The following ZBTB7C variants were observed in gnomAD, a reference collection of about 807,000 sequenced individuals.
ZBTB7C encodes zinc finger and BTB domain containing 7C, also known as zinc finger and BTB domain-containing protein 7C.
Under a neutral mutation model 25.7 loss-of-function variants are expected in ZBTB7C, and 8 were observed. The ratio of observed to expected loss-of-function variants is 0.31; its 90% CI spans 0.18 to 0.56. The LOEUF (loss-of-function observed/expected upper bound fraction) is 0.56. Ranked by LOEUF, ZBTB7C falls within the 20% of genes least tolerant of loss-of-function variation. The pLI is 0.91. For synonymous variants in ZBTB7C, 394 were observed against 369.0 expected (o/e 1.07, Z -0.78); for missense variants, 824 against 855.2 (o/e 0.96, Z 0.46).
At chr18:48,254,148 GC>G (rs956216198) in intron 2 of ZBTB7C, among the ~76,000 whole-genome samples, 8 of 152,296 alleles carry the variant, frequency 5.3e-5, no homozygotes, top group Admixed American at 5.2e-4. Flanking sequence ...ACGAAAAGCA[GC>G]CCCCAAACCA....
intron 3 of ZBTB7C, among the ~76,000 whole-genome samples, chr18:48,141,181 G>A (rs1182060729): frequency 1.4e-5 from 2 of 138,430 alleles, no homozygotes; most frequent in Non-Finnish European, 3.0e-5. Context: ...CCTGCTGTGG[G>A]ACTTGGCTTA....
chr18:48,390,819 C>A (rs145571917), intron 1 of ZBTB7C, among the ~76,000 whole-genome samples: 5 of 152,334 alleles, frequency 3.3e-5, no homozygotes, highest in East Asian at 3.9e-4. Context: ...GTCCCCGTGG[C>A]GGCTGGAGAG....
Position 48,229,100 on chromosome 18 carries a change from C to T in ZBTB7C, c.-78-43105G>A, listed in dbSNP as rs61162622. Among the ~76,000 whole-genome samples the T allele has an allele frequency of 5.0e-3, 767 of 152,166 alleles. 9 individuals are homozygous for T. Among genetic ancestry groups the T allele is most frequent in the African/African-American group, 0.017 (710 of 41,508 alleles). On this transcript the variant is annotated intron_variant, in intron 2 of 4. Coordinates refer to ENST00000590800, the MANE Select transcript of ZBTB7C (RefSeq NM_001318841.2). ...CCCAGTCAAAACAGCATGTTCGTCC[C>T]GCTCAAATCTCATCAAAATGCCAAG...
chr18:48,352,424 C>T (rs902239972), intron 1 of ZBTB7C, among the ~76,000 whole-genome samples: 1 of 152,234 alleles, frequency 6.6e-6, no homozygotes, highest in Admixed American at 6.5e-5. Flanking sequence ...TAAAATGCCA[C>T]CCAGGCCCCA....
At chr18:48,377,242 T>C (rs1481556721) in intron 1 of ZBTB7C, among the ~76,000 whole-genome samples, 1 of 152,168 alleles carries the variant, frequency 6.6e-6, no homozygotes, top group Non-Finnish European at 1.5e-5. Flanking sequence ...CCAGTCTGGG[T>C]ATTGGGTCAG....
intron 3 of ZBTB7C, among the ~76,000 whole-genome samples, chr18:48,055,809 C>T (rs141962549): frequency 1.3e-5 from 2 of 152,302 alleles, no homozygotes; most frequent in South Asian, 2.1e-4. Context: ...CGTCGTCTTG[C>T]TCTGCGATTT....
At chr18:48,338,913 G>GT (rs1437921811) in intron 1 of ZBTB7C, among the ~76,000 whole-genome samples, 15 of 123,460 alleles carry the variant, frequency 1.2e-4, no homozygotes, top group Admixed American at 9.6e-4. Context: ...TAGTTTGTTG[G>GT]GGGGGGGGGG....
At chr18:48,053,389 T>A (rs1398985398) in intron 3 of ZBTB7C, among the ~76,000 whole-genome samples, 2 of 152,158 alleles carry the variant, frequency 1.3e-5, no homozygotes, top group Admixed American at 1.3e-4. Flanking sequence ...AGTAAACAGG[T>A]GATGGAAGGA....
chr18:48,048,816 G>A lies in ZBTB7C; in HGVS notation c.-16-7693C>T, dbSNP rs533949701. Among the ~76,000 whole-genome samples, 7 of 152,230 alleles carry A rather than the reference G, an allele frequency of 4.6e-5. No homozygotes were observed. The South Asian group carries it at 1.0e-3, about 23-fold the overall frequency. ...CAGGGCTCTCCCCTGGCATCTGTTC[G>A]GAGCATCACCATCTTCTAAGGTTTT... On this transcript the variant is annotated intron_variant, in intron 3 of 4. Transcript: ENST00000590800.
At chr18:48,083,895 G>A (rs1273897822) in intron 3 of ZBTB7C, 1 of 985,210 alleles carries the variant, frequency 1.0e-6, no homozygotes, top group Non-Finnish European at 1.2e-6. Context: ...AGCTTCAGTG[G>A]ACCCATTTGG....
intron 2 of ZBTB7C, among the ~76,000 whole-genome samples, chr18:48,295,449 G>A (rs920660172): frequency 2.0e-5 from 3 of 152,190 alleles, no homozygotes; most frequent in African/African-American, 7.2e-5. Flanking sequence ...TGCGTCATGT[G>A]AGGAAGGCGG....
At chr18:48,167,454 G>A (rs2041289908) in intron 3 of ZBTB7C, among the ~76,000 whole-genome samples, 1 of 152,186 alleles carries the variant, frequency 6.6e-6, no homozygotes. Flanking sequence ...CACCCTGAAA[G>A]CCTGTGGCAC....
At chr18:48,110,028 T>G (rs1204617837) in intron 3 of ZBTB7C, among the ~76,000 whole-genome samples, 2 of 149,714 alleles carry the variant, frequency 1.3e-5, no homozygotes, top group Non-Finnish European at 3.0e-5. Context: ...CATAGGCAGA[T>G]AGGGAGTGGT....
At chr18:48,169,542 G>A (rs1955907698) in intron 3 of ZBTB7C, among the ~76,000 whole-genome samples, 1 of 152,180 alleles carries the variant, frequency 6.6e-6, no homozygotes, top group South Asian at 2.1e-4. Flanking sequence ...TATGGATGAG[G>A]GAGCCGAGGG....
intron 3 of ZBTB7C, among the ~76,000 whole-genome samples, chr18:48,095,468 T>C (rs1456556819): frequency 6.6e-6 from 1 of 152,086 alleles, no homozygotes; most frequent in Non-Finnish European, 1.5e-5. Context: ...TCCCAGCACT[T>C]TGGGAGGCCG....
At chr18:48,319,112 C>CTGTGTGTGTG (rs143825394) in intron 2 of ZBTB7C, among the ~76,000 whole-genome samples, 11,476 of 147,298 alleles carry the variant, frequency 0.078, 520 homozygotes, top group South Asian at 0.1. Context: ...CAGAATGCCT[C>CTGTGTGTGTG]TGTGTGTGTG....
intron 3 of ZBTB7C, among the ~76,000 whole-genome samples, chr18:48,098,440 G>A (rs2038716002): frequency 6.6e-6 from 1 of 152,188 alleles, no homozygotes; most frequent in Non-Finnish European, 1.5e-5. Context: ...GAGCTAGGAT[G>A]CTTGTTCTTC....
At chr18:48,167,681 A>G (rs1245443494) in intron 3 of ZBTB7C, among the ~76,000 whole-genome samples, 1 of 152,164 alleles carries the variant, frequency 6.6e-6, no homozygotes, top group Non-Finnish European at 1.5e-5. Flanking sequence ...CCCTTGCCAG[A>G]AACAATGAAT....
intron 1 of ZBTB7C, among the ~76,000 whole-genome samples, chr18:48,364,621 C>A (rs139633764): frequency 1.3e-5 from 2 of 152,104 alleles, no homozygotes; most frequent in Non-Finnish European, 2.9e-5. Context: ...GGGGCTTTTG[C>A]ATTTTAATTT....
Sources: gnomAD v4.1 joint callset for allele counts (sites outside exome capture counted in the v4.1 genomes callset) on GRCh38, gnomAD v4.1.1 for gene constraint, MANE v1.5 for transcripts, NCBI Gene and HGNC (gene_info 2026-07-23, HGNC 2026-07-21) for gene names.